Variants in ALK observed in about 807,000 individuals in gnomAD.
ALK encodes ALK receptor tyrosine kinase.
In ALK, 74 loss-of-function variants were observed where a neutral mutation model predicts 163.1. The observed-to-expected ratio is 0.45, with a 90% CI of 0.38 to 0.55. The LOEUF is 0.55. ALK is among the 20% of genes least tolerant of loss of function. The pLI, the probability that ALK is intolerant of heterozygous loss-of-function variation, is 0.00. For missense variants in ALK, 2,063 were observed against 2,105.3 expected (o/e 0.98, Z 0.39); for synonymous variants, 960 against 843.2 (o/e 1.14, Z -2.40).
At chr2:29,355,184 A>G (rs1243505931) in intron 5 of ALK, among the ~76,000 whole-genome samples, 1 of 152,206 alleles carries the variant, frequency 6.6e-6, no homozygotes, top group African/African-American at 2.4e-5. Context: ...AGTAGAGATT[A>G]ACCTCTTCCA....
chr2:29,732,842 C>T (rs113958413), intron 1 of ALK, among the ~76,000 whole-genome samples: 11 of 152,178 alleles, frequency 7.2e-5, no homozygotes, highest in African/African-American at 1.9e-4. Flanking sequence ...TTGCACTTCC[C>T]AATCTCTAGG....
intron 1 of ALK, among the ~76,000 whole-genome samples, chr2:29,867,625 A>AGGGGCCC (rs1479827370): frequency 2.0e-5 from 3 of 152,208 alleles, no homozygotes; most frequent in African/African-American, 7.2e-5. Flanking sequence ...GATACTGAGA[A>AGGGGCCC]GGGGCCCAGA....
At chr2:29,423,139 T>G (rs1670057742) in intron 4 of ALK, among the ~76,000 whole-genome samples, 1 of 152,188 alleles carries the variant, frequency 6.6e-6, no homozygotes, top group African/African-American at 2.4e-5. Context: ...AAAACACCTC[T>G]TGTGTGCCTT....
chr2:29,280,835 T>C (rs1371535643), intron 9 of ALK, among the ~76,000 whole-genome samples: 1 of 151,208 alleles, frequency 6.6e-6, no homozygotes, highest in African/African-American at 2.4e-5. Flanking sequence ...GGTATACCAC[T>C]CTGGGACTGA....
At chr2:29,373,864 C>T (rs1321618397) in intron 5 of ALK, among the ~76,000 whole-genome samples, 1 of 152,194 alleles carries the variant, frequency 6.6e-6, no homozygotes, top group Non-Finnish European at 1.5e-5. Context: ...AGCAGGATTA[C>T]TCCTTTGTGT....
intron 4 of ALK, among the ~76,000 whole-genome samples, chr2:29,523,477 T>A (rs1470665236): frequency 6.6e-6 from 1 of 152,188 alleles, no homozygotes; most frequent in African/African-American, 2.4e-5. Context: ...TAGACATTTG[T>A]TGACAGAATG....
chr2:29,221,162 G>A (rs760730650), intron 22 of ALK: 1 of 554,912 alleles, frequency 1.8e-6, no homozygotes, highest in Non-Finnish European at 3.6e-6. Flanking sequence ...TGGACTGGGT[G>A]CTAGAATTCA....
chr2:29,526,175 A>G (rs1672954960), intron 4 of ALK, among the ~76,000 whole-genome samples: 1 of 152,166 alleles, frequency 6.6e-6, no homozygotes, highest in Non-Finnish European at 1.5e-5. Flanking sequence ...GTTAGGCACT[A>G]TCAGCACCTG....
intron 3 of ALK, among the ~76,000 whole-genome samples, chr2:29,597,894 C>A (rs180692400): frequency 1.3e-5 from 2 of 152,108 alleles, no homozygotes; most frequent in Non-Finnish European, 1.5e-5. Context: ...GAGCAGAGCA[C>A]CCATGTGCCT....
intron 5 of ALK, among the ~76,000 whole-genome samples, chr2:29,380,823 T>C (rs1015879887): frequency 6.6e-6 from 1 of 152,134 alleles, no homozygotes; most frequent in African/African-American, 2.4e-5. Context: ...ATGATCCAAT[T>C]ACCCACCAGC....
In ALK at chr2:29,795,022, T is replaced by A. The variant is rs543325679; in HGVS notation, c.668-77325A>T. ...ACGAAAAATGGAAGTATGTCTGTGT[T>A]ACAACTGCATACAAATATTGCAAAA... On this transcript the variant is annotated intron_variant, in intron 1 of 28. Coordinates refer to ENST00000389048, the MANE Select transcript of ALK (RefSeq NM_004304.5). 7.2e-5 allele frequency among the ~76,000 whole-genome samples: 11 copies of A among 152,274 alleles called. No homozygotes were observed. The South Asian group carries it at 2.1e-3, about 29-fold the overall frequency.
intron 1 of ALK, among the ~76,000 whole-genome samples, chr2:29,891,429 A>G (rs1358425410): frequency 1.3e-5 from 2 of 152,176 alleles, no homozygotes; most frequent in African/African-American, 4.8e-5. Flanking sequence ...AAATAAGCAC[A>G]ATGTTGACAT....
rs1485624732 is a variant in ALK, at chr2:29,674,388, T to C, written c.952+20462A>G. 2.3e-3 allele frequency among the ~76,000 whole-genome samples: 345 copies of C among 151,574 alleles called. 3 individuals carry two copies. Among genetic ancestry groups the C allele is most frequent in the African/African-American group, 8.0e-3 (331 of 41,296 alleles). On this transcript the variant is annotated intron_variant, in intron 3 of 28. Coordinates refer to ENST00000389048, the MANE Select transcript of ALK (RefSeq NM_004304.5). ...TATTGGGAGTTTTTAGCATGAAGGG[T>C]TGTTGAATTTTGTCAAAGGCCTTTT...
chr2:29,682,232 CA>C (rs1393321048), intron 3 of ALK, among the ~76,000 whole-genome samples: 1 of 152,082 alleles, frequency 6.6e-6, no homozygotes, highest in African/African-American at 2.4e-5. Context: ...TAACAGACAG[CA>C]AAAATGAGAG....
chr2:29,406,854 G>A (rs984298228), intron 4 of ALK, among the ~76,000 whole-genome samples: 10 of 148,138 alleles, frequency 6.8e-5, no homozygotes, highest in Admixed American at 2.0e-4. Flanking sequence ...AGCTGAGATC[G>A]CGCCACTGCA....
intron 3 of ALK, among the ~76,000 whole-genome samples, chr2:29,622,681 A>G (rs1316725797): frequency 1.3e-5 from 2 of 151,930 alleles, no homozygotes; most frequent in Non-Finnish European, 2.9e-5. Flanking sequence ...CTTCCAACAC[A>G]CCAATACCCA....
chr2:29,423,309 T>G (rs2148068690), intron 4 of ALK, among the ~76,000 whole-genome samples: 1 of 152,296 alleles, frequency 6.6e-6, no homozygotes, highest in Middle Eastern at 3.4e-3. Flanking sequence ...TGGTAAGAGA[T>G]AAAACTAGAA....
chr2:29,259,182 T>C (rs868652073), intron 11 of ALK, among the ~76,000 whole-genome samples: 1 of 152,178 alleles, frequency 6.6e-6, no homozygotes, highest in Non-Finnish European at 1.5e-5. Context: ...ATTCATTTAC[T>C]TTACCTCTCC....
intron 4 of ALK, among the ~76,000 whole-genome samples, chr2:29,456,027 A>T (rs1670943340): frequency 6.6e-6 from 1 of 152,184 alleles, no homozygotes; most frequent in Non-Finnish European, 1.5e-5. Flanking sequence ...GATGCCTATT[A>T]TCAATAAACA....
Sources: gnomAD v4.1 joint callset for allele counts (sites outside exome capture counted in the v4.1 genomes callset) on GRCh38, gnomAD v4.1.1 for gene constraint, MANE v1.5 for transcripts, NCBI Gene and HGNC (gene_info 2026-07-23, HGNC 2026-07-21) for gene names.